The following MAGI2 variants were observed in gnomAD, a reference collection of about 807,000 sequenced individuals.
The protein encoded by MAGI2 is membrane-associated guanylate kinase, WW and PDZ domain-containing protein 2.
Under a neutral mutation model 133.3 loss-of-function variants are expected in MAGI2, and 35 were observed. The observed-to-expected ratio is 0.26, with a 90% CI of 0.20 to 0.35. The LOEUF is 0.35. Among genes scored for constraint, MAGI2 ranks in the 10% least tolerant of loss-of-function variants. The pLI, the probability that MAGI2 is intolerant of heterozygous loss-of-function variation, is 1.00. For synonymous variants in MAGI2, 729 were observed against 710.6 expected (o/e 1.03, Z -0.41); for missense variants, 1,636 against 1,863.4 (o/e 0.88, Z 2.25).
At chr7:78,303,063 A>C (rs1362762603) in intron 9 of MAGI2, among the ~76,000 whole-genome samples, 1 of 152,098 alleles carries the variant, frequency 6.6e-6, no homozygotes, top group African/African-American at 2.4e-5. Flanking sequence ...TTGAAGAATG[A>C]ATAGGGCTTG....
chr7:78,773,431 G>A (rs1406437286), intron 2 of MAGI2, among the ~76,000 whole-genome samples: 1 of 152,162 alleles, frequency 6.6e-6, no homozygotes, highest in Non-Finnish European at 1.5e-5. Flanking sequence ...CTGAAGTGCT[G>A]ACAGAGGGTA....
At chr7:79,126,276 C>G (rs1346150781) in intron 1 of MAGI2, among the ~76,000 whole-genome samples, 2 of 152,170 alleles carry the variant, frequency 1.3e-5, no homozygotes, top group East Asian at 1.9e-4. Context: ...TTCCCAGACT[C>G]CTGGTTGTAT....
intron 1 of MAGI2, among the ~76,000 whole-genome samples, chr7:79,111,543 G>A (rs1818922028): frequency 2.6e-5 from 4 of 152,086 alleles, no homozygotes; most frequent in Admixed American, 2.0e-4. Flanking sequence ...CAAACATCAG[G>A]TAGGTATGTT....
At chr7:79,226,450 T>C (rs1830866994) in intron 1 of MAGI2, among the ~76,000 whole-genome samples, 1 of 152,154 alleles carries the variant, frequency 6.6e-6, no homozygotes, top group Non-Finnish European at 1.5e-5. Context: ...TACTGATCAC[T>C]GATAAATTAT....
At position 78,382,646 on chromosome 7, in the gene MAGI2, C is replaced by G. The variant is rs62461544; in HGVS notation, c.1046-13433G>C. 3.5e-3 allele frequency among the ~76,000 whole-genome samples: 528 copies of G among 152,112 alleles called. 1 individual carries two copies. The highest frequency in any genetic ancestry group is 0.012 in the African/African-American group (500 of 41,518). ...TCAGGGTATTAGGGTGTCTACCACC[C>G]TAGTACAATACAATTTTAAGTACAG... On this transcript the variant is annotated intron_variant, in intron 6 of 21. Coordinates refer to ENST00000354212, the MANE Select transcript of MAGI2 (RefSeq NM_012301.4).
At chr7:79,328,904 G>A (rs780375896) in intron 1 of MAGI2, among the ~76,000 whole-genome samples, 5 of 151,958 alleles carry the variant, frequency 3.3e-5, no homozygotes, top group Admixed American at 1.3e-4. Context: ...TGATTGTATC[G>A]CTGGTTCTCA....
intron 2 of MAGI2, among the ~76,000 whole-genome samples, chr7:78,648,550 T>C (rs1811155370): frequency 6.6e-6 from 1 of 152,242 alleles, no homozygotes; most frequent in South Asian, 2.1e-4. Flanking sequence ...GCATATGTGC[T>C]CTCAACTTTG....
intron 1 of MAGI2, among the ~76,000 whole-genome samples, chr7:79,183,168 T>G (rs1194481464): frequency 6.6e-6 from 1 of 151,826 alleles, no homozygotes; most frequent in East Asian, 1.9e-4. Context: ...AACCATATAT[T>G]GTATATTTCA....
At chr7:78,738,598 G>A (rs148322908) in intron 2 of MAGI2, among the ~76,000 whole-genome samples, 308 of 152,210 alleles carry the variant, frequency 2.0e-3, no homozygotes, top group African/African-American at 7.0e-3. Context: ...TATGATATTG[G>A]TATGATTAAG....
At chr7:78,492,660 A>G (rs974392671) in intron 5 of MAGI2, among the ~76,000 whole-genome samples, 1 of 152,138 alleles carries the variant, frequency 6.6e-6, no homozygotes, top group Non-Finnish European at 1.5e-5. Context: ...ACTATCTTTC[A>G]AGTTTAAGGA....
At chr7:79,184,144 G>A (rs1826860136) in intron 1 of MAGI2, among the ~76,000 whole-genome samples, 1 of 151,482 alleles carries the variant, frequency 6.6e-6, no homozygotes, top group Non-Finnish European at 1.5e-5. Flanking sequence ...GATTCTTAAG[G>A]GTTTCACTAC....
chr7:78,643,547 A>G lies in MAGI2; in HGVS notation c.419-16308T>C, dbSNP rs779242634. Reference sequence around the variant, plus strand: ...ACAAAAGTGAAATAAAATCTATTTCATCATCCTGGAGGACTCAAGTTATTA... The same window carrying G: ...ACAAAAGTGAAATAAAATCTATTTCGTCATCCTGGAGGACTCAAGTTATTA... On this transcript the variant is annotated intron_variant, in intron 2 of 21. Transcript: ENST00000354212. 3.9e-5 allele frequency among the ~76,000 whole-genome samples: 6 copies of G among 152,292 alleles called. 1 individual carries two copies. Among genetic ancestry groups the G allele is most frequent in the African/African-American group, 1.4e-4 (6 of 41,570 alleles).
chr7:78,943,653 A>T (rs1801166989), intron 2 of MAGI2, among the ~76,000 whole-genome samples: 1 of 152,088 alleles, frequency 6.6e-6, no homozygotes, highest in South Asian at 2.1e-4. Context: ...AACTACTGAC[A>T]ATGTTGAGTG....
chr7:78,908,847 TAGAA>T (rs1798170572), intron 2 of MAGI2, among the ~76,000 whole-genome samples: 1 of 151,114 alleles, frequency 6.6e-6, no homozygotes, highest in Non-Finnish European at 1.5e-5. Flanking sequence ...AGATAGAAAA[TAGAA>T]AGAAAAAAAT....
At chr7:79,239,185 T>C (rs1334562369) in intron 1 of MAGI2, among the ~76,000 whole-genome samples, 3 of 152,194 alleles carry the variant, frequency 2.0e-5, no homozygotes, top group Non-Finnish European at 1.5e-5. Context: ...ATTAATTAAT[T>C]GTATTAATGG....
chr7:79,028,247 A>ATC (rs1180077115), intron 1 of MAGI2, among the ~76,000 whole-genome samples: 4 of 46,926 alleles, frequency 8.5e-5, no homozygotes, highest in African/African-American at 3.4e-4. Context: ...ATATATATAT[A>ATC]TATATATATA....
intron 10 of MAGI2, among the ~76,000 whole-genome samples, chr7:78,227,947 T>C (rs1789572795): frequency 6.6e-6 from 1 of 151,892 alleles, no homozygotes; most frequent in Admixed American, 6.6e-5. Context: ...GCAAAATTTT[T>C]CTGTAAAGAG....
intron 1 of MAGI2, among the ~76,000 whole-genome samples, chr7:79,095,232 G>A (rs1817419625): frequency 1.3e-5 from 2 of 152,210 alleles, no homozygotes; most frequent in Non-Finnish European, 2.9e-5. Flanking sequence ...AAGAGAGTTA[G>A]GGTTTGCTCT....
chr7:79,136,003 G>GAGAAAGAAAGAAAGAA (rs1554375907), intron 1 of MAGI2, among the ~76,000 whole-genome samples: 2 of 40,924 alleles, frequency 4.9e-5, no homozygotes, highest in African/African-American at 1.8e-4. Context: ...AAGAAAGAAA[G>GAGAAAGAAAGAAAGAA]AGAAAGAAAG....
Sources: allele counts gnomAD v4.1 joint callset (sites outside exome capture counted in the v4.1 genomes callset), GRCh38; gene constraint gnomAD v4.1.1; transcripts MANE v1.5; gene names NCBI Gene and HGNC (gene_info 2026-07-23, HGNC 2026-07-21).